The following ZNF260 variants were observed in gnomAD, a reference collection of about 807,000 sequenced individuals.
The protein encoded by ZNF260 is zfp-260.
In ZNF260, 21 loss-of-function variants were observed where a neutral mutation model predicts 29.3. The observed-to-expected ratio is 0.72, with a 90% confidence interval of 0.51 to 1.03. The LOEUF (loss-of-function observed/expected upper bound fraction) is 1.03, where lower values mean the gene tolerates loss of function less well. Among genes scored for constraint, ZNF260 ranks in the 50% least tolerant of loss-of-function variants. ZNF260 has a pLI of 0.00. For synonymous variants in ZNF260, 156 were observed against 156.8 expected, an observed-to-expected ratio of 0.99 and a Z score of 0.04; for missense variants, 465 against 487.8, an observed-to-expected ratio of 0.95 and a Z score of 0.44.
At chr19:36,523,537 C>A (rs1210468505) in intron 2 of ZNF260, among the ~76,000 whole-genome samples, 1 of 150,976 alleles carries the variant, frequency 6.6e-6, no homozygotes, top group African/African-American at 2.4e-5. Flanking sequence ...AATTTTCTAT[C>A]AAGTATACAT....
At chr19:36,517,865 G>A (rs543927705) in intron 2 of ZNF260, among the ~76,000 whole-genome samples, 36 of 148,576 alleles carry the variant, frequency 2.4e-4, no homozygotes, top group Admixed American at 6.1e-4. Context: ...ACGGAGTCTC[G>A]CTCTGTTGCC....
At chr19:36,520,648 C>T (rs980341247) in intron 2 of ZNF260, among the ~76,000 whole-genome samples, 18 of 152,002 alleles carry the variant, frequency 1.2e-4, no homozygotes, top group African/African-American at 3.9e-4. Context: ...GTCAGGAGAT[C>T]GAGACCACTC....
chr19:36,521,432 C>T (rs2034643343), intron 2 of ZNF260, among the ~76,000 whole-genome samples: 1 of 152,208 alleles, frequency 6.6e-6, no homozygotes, highest in Non-Finnish European at 1.5e-5. Context: ...TAAAATGGTT[C>T]TTTCAACATT....
chr19:36,515,424 AAG>A lies in ZNF260; in HGVS notation c.-188_-187del. ...TACCCTGAGATGAGATGATTACAAA[AAG>A]GGATAAAATGTAACATTCTCTTTAT... is the stretch of plus-strand genomic sequence containing the variant. On this transcript the variant is annotated 5_prime_UTR_variant, in exon 3 of 3. An upstream open reading frame in the 5' UTR gains an earlier in-frame stop. Transcript: ENST00000523638. 1.8e-6 allele frequency: 1 copy of A among 562,394 alleles called. No homozygotes were observed. The highest frequency in any genetic ancestry group is 3.1e-6 in the Non-Finnish European group (1 of 326,512). 34.8% of individuals were successfully genotyped at this position (562,394 alleles called of 1,614,324 possible).
intron 2 of ZNF260, among the ~76,000 whole-genome samples, chr19:36,523,451 G>C (rs1333025679): frequency 6.6e-6 from 1 of 152,110 alleles, no homozygotes; most frequent in Non-Finnish European, 1.5e-5. Flanking sequence ...GCATACAGCA[G>C]ACACTGTTAA....
At chr19:36,527,273 T>C (rs969767704) in intron 1 of ZNF260, among the ~76,000 whole-genome samples, 2 of 152,252 alleles carry the variant, frequency 1.3e-5, no homozygotes, top group African/African-American at 4.8e-5. Flanking sequence ...AACTAAGTCC[T>C]GTCTTCTTTG....
At chr19:36,520,115 CTT>C (rs1304209291) in intron 2 of ZNF260, among the ~76,000 whole-genome samples, 1 of 149,892 alleles carries the variant, frequency 6.7e-6, no homozygotes, top group Non-Finnish European at 1.5e-5. Flanking sequence ...AGGAGAAATG[CTT>C]GAACCCAGGA....
chr19:36,524,263 C>T (rs1235698937), intron 2 of ZNF260, among the ~76,000 whole-genome samples: 1 of 152,054 alleles, frequency 6.6e-6, no homozygotes, highest in African/African-American at 2.4e-5. Flanking sequence ...GCAAGTTCCA[C>T]CTCCCAGGTT....
At chr19:36,518,885 T>A (rs1167180400) in intron 2 of ZNF260, among the ~76,000 whole-genome samples, 1 of 152,008 alleles carries the variant, frequency 6.6e-6, no homozygotes, top group South Asian at 2.1e-4. Flanking sequence ...CTACTAAAAA[T>A]AAAAAAGATT....
Position 36,514,943 on chromosome 19 carries a change from AG to A in ZNF260, c.295del (p.Leu99PhefsTer225). The A allele has an allele frequency of 1.2e-6, 2 of 1,614,088 alleles. No homozygotes were observed. The highest frequency in any genetic ancestry group is 1.3e-5 in the African/African-American group (1 of 75,052). On this transcript the variant is annotated frameshift_variant, in exon 3 of 3. Coordinates refer to ENST00000523638, the MANE Select transcript of ZNF260 (RefSeq NM_001166037.2). LOFTEE classifies it high-confidence loss of function. ...TCCAGTGTGATGTTTCTGATGAGAAAGGAAGTTTTCCTTCTGGCTGAAGGCT... is the reference window on the plus strand; with the variant it reads ...TCCAGTGTGATGTTTCTGATGAGAAAGAAGTTTTCCTTCTGGCTGAAGGCT... ...GKAFSQKENFLSHQKHHTGEK... is the reference protein window; with the variant it reads ...GKAFSQKENFXSHQKHHTGEK...
intron 1 of ZNF260, among the ~76,000 whole-genome samples, chr19:36,526,589 C>G (rs1479202016): frequency 6.6e-6 from 1 of 152,006 alleles, no homozygotes; most frequent in Non-Finnish European, 1.5e-5. Context: ...ATAACCTATG[C>G]ACATCCTCCC....
At chr19:36,526,481 A>G (rs1445859305) in intron 1 of ZNF260, among the ~76,000 whole-genome samples, 6 of 152,320 alleles carry the variant, frequency 3.9e-5, no homozygotes, top group Non-Finnish European at 1.5e-5. Flanking sequence ...CAGAGGTGGC[A>G]GTGAGCCGAG....
intron 1 of ZNF260, among the ~76,000 whole-genome samples, chr19:36,526,636 C>T (rs938699457): frequency 3.3e-5 from 5 of 152,030 alleles, no homozygotes; most frequent in East Asian, 3.9e-4. Context: ...ACTTATCATA[C>T]GTAATACAAC....
Position 36,513,908 on chromosome 19 carries a change from T to C in ZNF260, c.*92A>G. 7.2e-7 allele frequency: 1 copy of C among 1,380,254 alleles called. No homozygotes were observed. The highest frequency in any genetic ancestry group is 9.9e-7 in the Non-Finnish European group (1 of 1,011,718). The allele number at this position is 1,380,254 out of a possible 1,614,324, so 85.5% of individuals were successfully genotyped here. Reference sequence around the variant, plus strand: ...GCTGCTGAAGGACTTCCCACATTCATGTCACTTTAATGTAAAATGAATTTT... The same window carrying C: ...GCTGCTGAAGGACTTCCCACATTCACGTCACTTTAATGTAAAATGAATTTT... On this transcript the variant is annotated 3_prime_UTR_variant, in exon 3 of 3. Transcript: ENST00000523638.
intron 2 of ZNF260, among the ~76,000 whole-genome samples, chr19:36,521,080 C>CA (rs767618733): frequency 0.079 from 8,535 of 108,490 alleles, 273 homozygotes; most frequent in Admixed American, 0.09. Flanking sequence ...GACCTTGTCT[C>CA]AAAAAAAAAA....
chr19:36,518,858 A>G (rs1191702307), intron 2 of ZNF260, among the ~76,000 whole-genome samples: 1 of 152,146 alleles, frequency 6.6e-6, no homozygotes, highest in African/African-American at 2.4e-5. Context: ...CCTGTGCAAC[A>G]CAGTGTGATC....
In ZNF260 at chr19:36,512,164, T is replaced by C. The variant is rs2034462097; in HGVS notation, c.*1836A>G. Reference sequence around the variant, plus strand: ...GTACAGATTATGTAAAATTTACTCTTGTGACACATGAGTTATTTTAATTGA... The same window carrying C: ...GTACAGATTATGTAAAATTTACTCTCGTGACACATGAGTTATTTTAATTGA... On this transcript the variant is annotated 3_prime_UTR_variant, in exon 3 of 3. Transcript: ENST00000523638. 6.6e-6 allele frequency: 1 copy of C among 151,858 alleles called. No individual in the cohort carries two copies. The highest frequency in any genetic ancestry group is 2.4e-5 in the African/African-American group (1 of 41,134). The allele number at this position is 151,858 out of a possible 1,614,324, so 9.4% of individuals were successfully genotyped here. A position where few individuals can be genotyped will look rare whatever the true frequency, so the allele number is the denominator to read the frequency against.
intron 2 of ZNF260, among the ~76,000 whole-genome samples, chr19:36,517,775 C>T (rs1234637439): frequency 2.0e-5 from 3 of 151,868 alleles, no homozygotes; most frequent in Non-Finnish European, 2.9e-5. Context: ...TGTTAGAGTC[C>T]GAGAATGCTG....
intron 1 of ZNF260, among the ~76,000 whole-genome samples, chr19:36,527,451 CAAGAA>C (rs1191685153): frequency 1.3e-5 from 2 of 152,096 alleles, no homozygotes; most frequent in East Asian, 3.9e-4. Context: ...TTTGTATACA[CAAGAA>C]AAGAATTTCC....
Sources: allele counts gnomAD v4.1 joint callset (sites outside exome capture counted in the v4.1 genomes callset), GRCh38; gene constraint gnomAD v4.1.1; transcripts MANE v1.5; gene names NCBI Gene and HGNC (gene_info 2026-07-23, HGNC 2026-07-21).